The following PDE10A variants were observed in gnomAD, a reference collection of about 807,000 sequenced individuals.
PDE10A encodes cAMP and cAMP-inhibited cGMP 3',5'-cyclic phosphodiesterase 10A.
PDE10A carries 39 observed loss-of-function variants against 97.7 expected under a neutral mutation model. The ratio of observed to expected loss-of-function variants is 0.40; its 90% confidence interval spans 0.31 to 0.52. The LOEUF (loss-of-function observed/expected upper bound fraction) is 0.52. PDE10A is among the 20% of genes least tolerant of loss of function. PDE10A has a pLI of 0.56. For missense variants in PDE10A, 731 were observed against 1,047.8 expected (o/e 0.70, Z 4.17); for synonymous variants, 371 against 376.8 (o/e 0.98, Z 0.18).
intron 1 of PDE10A, among the ~76,000 whole-genome samples, chr6:165,860,708 AC>A (rs1442735928): frequency 6.6e-6 from 1 of 152,168 alleles, no homozygotes; most frequent in Non-Finnish European, 1.5e-5. Flanking sequence ...CAAATACGGA[AC>A]CTGTGAGTAA....
chr6:165,442,507 T>C lies in PDE10A; in HGVS notation c.1194+6421A>G, dbSNP rs1250466443. On this transcript the variant is annotated intron_variant, in intron 5 of 21. Transcript: ENST00000539869. ...ACGGGAAGCAAGGAACTTCTTCCCA[T>C]GGTGGCAGAAGAGGGAGTGCAAGGC... Among the ~76,000 whole-genome samples the C allele has an allele frequency of 2.0e-5, 3 of 152,126 alleles. No homozygotes were observed. The East Asian group carries it at 5.8e-4, about 29-fold the overall frequency.
At chr6:165,814,862 G>A (rs1041874551) in intron 1 of PDE10A, among the ~76,000 whole-genome samples, 4 of 151,814 alleles carry the variant, frequency 2.6e-5, no homozygotes, top group Admixed American at 6.6e-5. Context: ...CGTCAGTTCC[G>A]TTCCTCTGCT....
At chr6:165,674,055 C>T (rs143234997) in intron 1 of PDE10A, among the ~76,000 whole-genome samples, 234 of 152,200 alleles carry the variant, frequency 1.5e-3, no homozygotes, top group African/African-American at 5.4e-3. Context: ...AAAGAAAAAC[C>T]TGAGCTGGTC....
At chr6:165,950,559 GCA>G (rs1230416652) in intron 1 of PDE10A, among the ~76,000 whole-genome samples, 1 of 152,190 alleles carries the variant, frequency 6.6e-6, no homozygotes, top group Admixed American at 6.5e-5. Flanking sequence ...CTTCTTCCCT[GCA>G]CACAGAGTGC....
intron 1 of PDE10A, among the ~76,000 whole-genome samples, chr6:165,689,699 G>A (rs1342118717): frequency 6.6e-6 from 1 of 152,214 alleles, no homozygotes; most frequent in Admixed American, 6.5e-5. Flanking sequence ...ACCAGAAGCG[G>A]ATGCTGGTGC....
intron 1 of PDE10A, among the ~76,000 whole-genome samples, chr6:165,742,019 T>G (rs1200327387): frequency 1.3e-5 from 2 of 152,232 alleles, no homozygotes; most frequent in African/African-American, 2.4e-5. Flanking sequence ...CACATGTGTT[T>G]TGGTACAGGT....
At chr6:165,859,881 C>G (rs1398540104) in intron 1 of PDE10A, among the ~76,000 whole-genome samples, 1 of 152,142 alleles carries the variant, frequency 6.6e-6, no homozygotes, top group Admixed American at 6.5e-5. Flanking sequence ...GAATTAATGG[C>G]ATTCTCAGCA....
chr6:165,897,809 C>G (rs1781997891), intron 1 of PDE10A, among the ~76,000 whole-genome samples: 1 of 151,958 alleles, frequency 6.6e-6, no homozygotes, highest in African/African-American at 2.4e-5. Flanking sequence ...CTGGTACATC[C>G]CCAGAAGCCT....
At chr6:165,641,872 G>A (rs552990075) in intron 1 of PDE10A, among the ~76,000 whole-genome samples, 3 of 152,168 alleles carry the variant, frequency 2.0e-5, no homozygotes, top group Non-Finnish European at 2.9e-5. Context: ...GCGGTGTTTC[G>A]GTTCATCTCA....
chr6:165,387,605 A>G (rs11969826), intron 17 of PDE10A, among the ~76,000 whole-genome samples: 26,408 of 152,174 alleles, frequency 0.17, 2,683 homozygotes, highest in African/African-American at 0.26. Flanking sequence ...TCCCTTAGAC[A>G]CATCATTGGA....
chr6:165,652,076 A>C (rs1420540480), intron 1 of PDE10A, among the ~76,000 whole-genome samples: 1 of 152,232 alleles, frequency 6.6e-6, no homozygotes, highest in East Asian at 1.9e-4. Flanking sequence ...TCTGCCTTTA[A>C]AAATTAGATA....
rs1781353981 is a variant in PDE10A at position 165,331,754 on chromosome 6, A to T, written c.*1271T>A. On this transcript the variant is annotated 3_prime_UTR_variant, in exon 22 of 22. Coordinates refer to ENST00000539869, the MANE Select transcript of PDE10A (RefSeq NM_001385079.1). ...GTATTACTTTCGTATTTTTTAAAAC[A>T]CTTACATTGTATAGTAATACTGGTC... The T allele has an allele frequency of 6.6e-6, 1 of 152,218 alleles. No homozygotes were observed. The highest frequency in any genetic ancestry group is 1.5e-5 in the Non-Finnish European group (1 of 68,050). 9.4% of individuals were successfully genotyped at this position (152,218 alleles called of 1,614,324 possible). A position where few individuals can be genotyped will look rare whatever the true frequency, so the allele number is the denominator to read the frequency against.
intron 1 of PDE10A, among the ~76,000 whole-genome samples, chr6:165,727,938 T>C (rs1051235641): frequency 6.6e-6 from 1 of 152,192 alleles, no homozygotes; most frequent in African/African-American, 2.4e-5. Flanking sequence ...GGAGTTTAAA[T>C]AGTTGGTTGT....
intron 1 of PDE10A, among the ~76,000 whole-genome samples, chr6:165,716,133 C>A (rs376934185): frequency 6.6e-6 from 1 of 152,182 alleles, no homozygotes; most frequent in African/African-American, 2.4e-5. Context: ...CAAACCCCGG[C>A]CCCAGCTACA....
At chr6:165,500,047 G>C (rs1400006907) in intron 2 of PDE10A, among the ~76,000 whole-genome samples, 1 of 152,184 alleles carries the variant, frequency 6.6e-6, no homozygotes, top group East Asian at 1.9e-4. Context: ...AAGAGCATCT[G>C]ATCGCCCCAC....
At chr6:165,542,612 CTTTTTTTTT>C (rs545149187) in intron 2 of PDE10A, among the ~76,000 whole-genome samples, 13 of 76,424 alleles carry the variant, frequency 1.7e-4, no homozygotes, top group African/African-American at 6.0e-4. Context: ...TGTCCTTGTT[CTTTTTTTTT>C]TTTTTTTTTT....
chr6:165,973,222 C>A (rs1465631855), intron 1 of PDE10A, among the ~76,000 whole-genome samples: 2 of 152,042 alleles, frequency 1.3e-5, no homozygotes, highest in Middle Eastern at 3.2e-3. Flanking sequence ...AGTTCGAGAC[C>A]AGCCTGGCCA....
chr6:165,440,169 C>G (rs1448988786), intron 5 of PDE10A, among the ~76,000 whole-genome samples: 4 of 152,128 alleles, frequency 2.6e-5, no homozygotes, highest in Admixed American at 6.5e-5. Context: ...AAATAGCTCC[C>G]ACATTTACCT....
At chr6:165,344,716 C>G (rs1488747504) in intron 18 of PDE10A, among the ~76,000 whole-genome samples, 1 of 152,188 alleles carries the variant, frequency 6.6e-6, no homozygotes, top group Non-Finnish European at 1.5e-5. Context: ...TCACAGAGTT[C>G]TTTATTTCCT....
Sources: allele counts gnomAD v4.1 joint callset (sites outside exome capture counted in the v4.1 genomes callset), GRCh38; gene constraint gnomAD v4.1.1; transcripts MANE v1.5; gene names NCBI Gene and HGNC (gene_info 2026-07-23, HGNC 2026-07-21).